Variants in TTC7B observed in about 807,000 individuals in gnomAD.
TTC7B encodes tetratricopeptide repeat domain 7B.
Under a neutral mutation model 106.8 loss-of-function variants are expected in TTC7B, and 28 were observed. That is an observed-to-expected ratio of 0.26 (90% CI 0.19 to 0.36). TTC7B has a LOEUF of 0.36. Among genes scored for constraint, TTC7B ranks in the 10% least tolerant of loss-of-function variants. TTC7B has a pLI of 1.00. For missense variants in TTC7B, 862 were observed against 1,076.4 expected, an observed-to-expected ratio of 0.80 and a Z score of 2.79; for synonymous variants, 405 against 430.6, an observed-to-expected ratio of 0.94 and a Z score of 0.74.
chr14:90,588,559 T>A (rs559788214), intron 18 of TTC7B, among the ~76,000 whole-genome samples: 1 of 152,210 alleles, frequency 6.6e-6, no homozygotes, highest in South Asian at 2.1e-4. Flanking sequence ...TCAAGGAAGA[T>A]GAGGAATGGC....
intron 3 of TTC7B, among the ~76,000 whole-genome samples, chr14:90,779,465 C>T (rs534417672): frequency 1.3e-5 from 2 of 152,174 alleles, no homozygotes; most frequent in Admixed American, 6.5e-5. Context: ...CCACCACACC[C>T]GGCTAATTTT....
Position 90,742,364 on chromosome 14 carries a change from G to C in TTC7B, c.576+2428C>G, listed in dbSNP as rs1416126821. 8.3e-6 allele frequency among the ~76,000 whole-genome samples: 1 copy of C among 120,408 alleles called. No homozygotes were observed. 79.0% of individuals were successfully genotyped at this position (120,408 alleles called of 152,430 possible). A position where few individuals can be genotyped will look rare whatever the true frequency, so the allele number is the denominator to read the frequency against. On this transcript the variant is annotated intron_variant, in intron 4 of 19. Transcript: ENST00000328459. The surrounding 1 kb of genome is among the most constrained non-coding windows in gnomAD (Gnocchi z 4.1). The stretch of plus-strand genomic sequence containing the variant: ...TCTCTCTTCCTTTCTTTCTTCATTT[G>C]TAGAGACAAGGTCTCACTCTGTTGA...
intron 5 of TTC7B, among the ~76,000 whole-genome samples, chr14:90,729,277 A>G (rs1361939169): frequency 6.6e-6 from 1 of 152,242 alleles, no homozygotes; most frequent in East Asian, 1.9e-4. Flanking sequence ...TTAAAAATGA[A>G]GAGGGAGCAA....
At chr14:90,710,626 C>T (rs1412746082) in intron 5 of TTC7B, among the ~76,000 whole-genome samples, 1 of 152,152 alleles carries the variant, frequency 6.6e-6, no homozygotes, top group Non-Finnish European at 1.5e-5. Context: ...TTGCCACAGC[C>T]ACCCCAAACT....
chr14:90,541,403 C>G lies in TTC7B; in HGVS notation c.2497G>C (p.Ala833Pro). 1 of 1,609,998 alleles carries G rather than the reference C, an allele frequency of 6.2e-7. No individual in the cohort carries two copies. The highest frequency in any genetic ancestry group is 8.5e-7 in the Non-Finnish European group (1 of 1,178,302). ...TALELEASSP[A>P]VPFTIIPRVL is the part of the protein sequence containing the mutation. ...CGGGGGATGATGGTGAAGGGCACGG[C>G]GGGGCTGCTGGCCTCCAGCTCCAAG... The change falls in exon 20 of 20, where the codon GCC (alanine) becomes CCC (proline). Residue 833 changes from alanine to proline, a missense_variant. By Grantham distance (27) the Ala-to-Pro change is conservative (BLOSUM62 -1). Coordinates refer to ENST00000328459, the MANE Select transcript of TTC7B (RefSeq NM_001010854.2).
chr14:90,671,034 C>A lies in TTC7B; in HGVS notation c.1152+5489G>T, dbSNP rs114158930. Among the ~76,000 whole-genome samples the A allele has an allele frequency of 4.8e-3, 728 of 152,302 alleles. 4 individuals are homozygous for A. Among genetic ancestry groups the A allele is most frequent in the African/African-American group, 0.017 (692 of 41,556 alleles). ...TGAACCACCTAGCATTAGCCAAACA[C>A]CCTGCCTTGATTTCTCAGAAGTCTA... On this transcript the variant is annotated intron_variant, in intron 9 of 19. Transcript: ENST00000328459.
chr14:90,671,078 G>A (rs1373973467), intron 9 of TTC7B, among the ~76,000 whole-genome samples: 2 of 152,076 alleles, frequency 1.3e-5, no homozygotes, highest in African/African-American at 4.8e-5. Flanking sequence ...TTTGTGTCAT[G>A]CCCACTGATA....
chr14:90,810,236 T>C (rs754283093), intron 1 of TTC7B, among the ~76,000 whole-genome samples: 11 of 152,192 alleles, frequency 7.2e-5, no homozygotes, highest in Non-Finnish European at 1.5e-4. Flanking sequence ...CCAGACCCCA[T>C]TGGGAATGTC....
At chr14:90,723,346 T>C (rs1381113367) in intron 5 of TTC7B, among the ~76,000 whole-genome samples, 4 of 152,212 alleles carry the variant, frequency 2.6e-5, no homozygotes, top group Admixed American at 2.0e-4. Flanking sequence ...TCTAATGTCT[T>C]CACCACCTAG....
At chr14:90,713,653 C>T (rs111570832) in intron 5 of TTC7B, among the ~76,000 whole-genome samples, 517 of 152,264 alleles carry the variant, frequency 3.4e-3, no homozygotes, top group African/African-American at 0.012. Flanking sequence ...GAAACACAAA[C>T]TTACCATATG....
intron 5 of TTC7B, among the ~76,000 whole-genome samples, chr14:90,715,814 G>T (rs1888634144): frequency 6.6e-6 from 1 of 152,034 alleles, no homozygotes; most frequent in Admixed American, 6.6e-5. Context: ...CTGTCAGATG[G>T]TATGTTTTAT....
chr14:90,618,873 G>A (rs146988269), intron 15 of TTC7B, among the ~76,000 whole-genome samples: 8 of 152,192 alleles, frequency 5.3e-5, no homozygotes, highest in Non-Finnish European at 1.2e-4. Flanking sequence ...TGACTTACCC[G>A]CTCTCACACA....
rs1885989973 is a variant in TTC7B, at chr14:90,657,294, T to C, written c.1237-16A>G. On this transcript the variant is annotated splice_polypyrimidine_tract_variant and intron_variant, in intron 10 of 19. Coordinates refer to ENST00000328459, the MANE Select transcript of TTC7B (RefSeq NM_001010854.2). The surrounding 1 kb of genome is among the most constrained non-coding windows in gnomAD (Gnocchi z 4.2). The stretch of plus-strand genomic sequence containing the variant: ...CACGGGCAGACTTGGCAAGAGAAGA[T>C]TATTTCCGTGAAACTCAAAGTGTTT... 6.2e-7 allele frequency: 1 copy of C among 1,611,632 alleles called. No individual in the cohort carries two copies. The highest frequency in any genetic ancestry group is 1.3e-5 in the African/African-American group (1 of 74,906).
At position 90,528,232 on chromosome 14, in the gene TTC7B, C is replaced by A. The variant is rs1889193452; in HGVS notation, c.*13136G>T. ...AGCACCAGCTCCTCCTTCTGTCCAG[C>A]CGGACAGAGAGCCTGGAGGAAGCTG... is the stretch of plus-strand genomic sequence containing the variant. On this transcript the variant is annotated 3_prime_UTR_variant, in exon 20 of 20. Coordinates refer to ENST00000328459, the MANE Select transcript of TTC7B (RefSeq NM_001010854.2). 6.6e-6 allele frequency: 1 copy of A among 152,218 alleles called. No individual in the cohort carries two copies. Among genetic ancestry groups the A allele is most frequent in the Non-Finnish European group, 1.5e-5 (1 of 68,062 alleles). The allele number at this position is 152,218 out of a possible 1,614,324, so 9.4% of individuals were successfully genotyped here.
chr14:90,718,863 GGAA>G (rs1888765302), intron 5 of TTC7B, among the ~76,000 whole-genome samples: 1 of 82,418 alleles, frequency 1.2e-5, no homozygotes, highest in Non-Finnish European at 3.0e-5. Flanking sequence ...CTGCCCAAGT[GGAA>G]CTTAGGTTCT....
chr14:90,586,279 T>C (rs543473447), intron 18 of TTC7B, among the ~76,000 whole-genome samples: 2 of 152,220 alleles, frequency 1.3e-5, no homozygotes, highest in Non-Finnish European at 2.9e-5. Flanking sequence ...AATCTTTTTT[T>C]CTTTTTTCAA....
chr14:90,680,224 G>C (rs931477251), intron 8 of TTC7B, among the ~76,000 whole-genome samples: 3 of 152,204 alleles, frequency 2.0e-5, no homozygotes, highest in Admixed American at 6.5e-5. Context: ...AATGAACTAA[G>C]ATACGTGCTT....
In TTC7B at chr14:90,532,013, C is replaced by T. The variant is rs1484937629; in HGVS notation, c.*9355G>A. ...CCTAGGCAACATGGCAAAACTCTGTCTCTGAAAAAAATTAGTGGGGCTTGG... is the reference window on the plus strand; with the variant it reads ...CCTAGGCAACATGGCAAAACTCTGTTTCTGAAAAAAATTAGTGGGGCTTGG... On this transcript the variant is annotated 3_prime_UTR_variant, in exon 20 of 20. Coordinates refer to ENST00000328459, the MANE Select transcript of TTC7B (RefSeq NM_001010854.2). 3.3e-5 allele frequency: 5 copies of T among 152,102 alleles called. No individual in the cohort carries two copies. The highest frequency in any genetic ancestry group is 3.3e-4 in the Admixed American group (5 of 15,254). 9.4% of individuals were successfully genotyped at this position (152,102 alleles called of 1,614,324 possible).
chr14:90,693,651 A>G (rs1309494294), intron 6 of TTC7B, among the ~76,000 whole-genome samples: 1 of 152,200 alleles, frequency 6.6e-6, no homozygotes, highest in Non-Finnish European at 1.5e-5. Context: ...TGCCAATCAA[A>G]CCACAATGGA....
Sources: gnomAD v4.1 joint callset for allele counts (sites outside exome capture counted in the v4.1 genomes callset) on GRCh38, gnomAD v4.1.1 for gene constraint, Gnocchi (gnomAD v3.1) non-coding constraint, MANE v1.5 for transcripts, NCBI Gene and HGNC (gene_info 2026-07-23, HGNC 2026-07-21) for gene names.